XAGE5: variants seen among roughly 807,000 people sequenced by gnomAD.
XAGE5 encodes the protein G antigen, family D, 5.
Under a neutral mutation model 13.1 loss-of-function variants are expected in XAGE5, and 13 were observed. The ratio of observed to expected loss-of-function variants is 0.99; its 90% CI spans 0.64 to 1.57. The LOEUF (loss-of-function observed/expected upper bound fraction) is 1.57, where lower values mean the gene tolerates loss of function less well. XAGE5 is among the 40% of genes most tolerant of loss of function. The pLI is 0.00. For missense variants in XAGE5, 86 were observed against 77.6 expected, an observed-to-expected ratio of 1.11 and a Z score of -0.41; for synonymous variants, 17 against 25.0, an observed-to-expected ratio of 0.68 and a Z score of 0.96.
intron 3 of XAGE5, 112 bp from the exon 4 acceptor site, chrX:52,813,028 C>A: frequency 1.7e-6 from 1 of 574,957 alleles, no homozygotes; most frequent in Non-Finnish European, 3.0e-6. Context: ...TTTAAACATG[C>A]ATATGATCAG....
intron 5 of XAGE5, among the ~76,000 whole-genome samples, chrX:52,816,030 G>A (rs1602002102): frequency 9.0e-6 from 1 of 111,711 alleles, no homozygotes. Context: ...TGTGACCTCC[G>A]CCTCCCGGGT....
At chrX:52,814,471 CAAA>C (rs1926865256) in intron 4 of XAGE5, 1 of 195,661 alleles carries the variant, frequency 5.1e-6, no homozygotes, top group Admixed American at 6.2e-5. Flanking sequence ...ATAGCATTTT[CAAA>C]CTAATCAGAG....
chrX:52,813,672 G>A (rs1926847954), intron 4 of XAGE5, among the ~76,000 whole-genome samples: 1 of 111,285 alleles, frequency 9.0e-6, no homozygotes, highest in African/African-American at 3.3e-5. Context: ...CCCAAATAAA[G>A]CCCATTTGCA....
chrX:52,815,317 T>C, intron 5 of XAGE5, 100 bp downstream of exon 5: 4 of 984,269 alleles, frequency 4.1e-6, no homozygotes, highest in Non-Finnish European at 5.4e-6. Context: ...CCTTTAGAAA[T>C]AGAGTTCAAA....
In XAGE5 at chrX:52,818,231, A is replaced by G. The variant is rs1926946957; in HGVS notation, c.*18A>G. The G allele has an allele frequency of 8.3e-7, 1 of 1,209,532 alleles. No homozygotes were observed. The highest frequency in any genetic ancestry group is 1.8e-5 in the South Asian group (1 of 56,719). On this transcript the variant is annotated 3_prime_UTR_variant, in exon 6 of 6. Transcript: ENST00000375501. ...AGCTTTAAACGAAGACAACCAAAAG[A>G]ATGCAAACTGGATTTATCCGAGATA...
intron 5 of XAGE5, among the ~76,000 whole-genome samples, chrX:52,817,024 ATAGG>A (rs1434001057): frequency 1.8e-5 from 2 of 112,286 alleles, no homozygotes; most frequent in South Asian, 3.7e-4. Flanking sequence ...CTTTTGAGAA[ATAGG>A]TAGGAAGACA....
At chrX:52,817,506 T>C (rs1448032186) in intron 5 of XAGE5, among the ~76,000 whole-genome samples, 1 of 112,031 alleles carries the variant, frequency 8.9e-6, no homozygotes, top group Non-Finnish European at 1.9e-5. Flanking sequence ...GAAAAAAGTG[T>C]CATTATTCAT....
chrX:52,812,638 TGTGA>T lies in XAGE5; in HGVS notation c.72+5_72+8del, dbSNP rs1556777509. 1 of 1,208,823 alleles carries T rather than the reference TGTGA, an allele frequency of 8.3e-7. No individual in the cohort carries two copies. The highest frequency in any genetic ancestry group is 1.7e-5 in the African/African-American group (1 of 57,214). ...TTGCTCAGCTGGTTGGGCCTATGCTTGTGAGTGACTTCACATTCGATTTTTTTCT... is the reference window on the plus strand; with the variant it reads ...TTGCTCAGCTGGTTGGGCCTATGCTTGTGACTTCACATTCGATTTTTTTCT... On this transcript the variant is annotated splice_donor_variant and splice_donor_region_variant and intron_variant, in intron 3 of 5. Transcript: ENST00000375501. LOFTEE classifies it high-confidence loss of function.
chrX:52,812,691 G>C, intron 3 of XAGE5, 53 bp downstream of exon 3: 1 of 1,101,550 alleles, frequency 9.1e-7, no homozygotes, highest in South Asian at 1.9e-5. Context: ...TTTTTGTGTG[G>C]TAGTTATTGT....
Position 52,813,935 on chromosome X carries a change from G to A in XAGE5, c.178+690G>A, listed in dbSNP as rs189611321. ...GGAGAATTTCTTGAGCCCGTGCGGC[G>A]GAGGCTGCAGTGAGCCAAGATCGCG... On this transcript the variant is annotated intron_variant, in intron 4 of 5. Coordinates refer to ENST00000375501, the MANE Select transcript of XAGE5 (RefSeq NM_001386970.1). Among the ~76,000 whole-genome samples the A allele has an allele frequency of 5.0e-4, 56 of 111,267 alleles. No homozygotes were observed. In the East Asian group the frequency reaches 0.01, roughly 21 times the overall value.
In XAGE5 at chrX:52,811,541, C is replaced by T. The variant is rs1345941820; in HGVS notation, c.-180-7C>T. Among the ~76,000 whole-genome samples, 1 of 110,985 alleles carries T rather than the reference C, an allele frequency of 9.0e-6. No individual in the cohort carries two copies. Among genetic ancestry groups the T allele is most frequent in the Non-Finnish European group, 1.9e-5 (1 of 52,974 alleles). On this transcript the variant is annotated splice_polypyrimidine_tract_variant and splice_region_variant and intron_variant, in intron 1 of 5. Coordinates refer to ENST00000375501, the MANE Select transcript of XAGE5 (RefSeq NM_001386970.1). The stretch of plus-strand genomic sequence containing the variant: ...GCCCCGCAGCTATGGGCCTTCTTGT[C>T]TTGTAGGGGTCAGGACGAAGGAAGA...
chrX:52,814,980 C>A, intron 4 of XAGE5, 112 bp from the exon 5 acceptor site: 1 of 880,790 alleles, frequency 1.1e-6, no homozygotes, highest in Non-Finnish European at 1.6e-6. Context: ...ACATTTATTA[C>A]CACAGTAGCC....
chrX:52,814,783 A>G (rs1221776864), intron 4 of XAGE5: 2 of 227,165 alleles, frequency 8.8e-6, no homozygotes, highest in African/African-American at 5.8e-5. Flanking sequence ...TCACCAATAC[A>G]TTGATCTAAT....
intron 5 of XAGE5, among the ~76,000 whole-genome samples, chrX:52,817,080 C>A (rs1268767060): frequency 1.8e-5 from 2 of 111,132 alleles, no homozygotes; most frequent in African/African-American, 6.5e-5. Flanking sequence ...ATGGAAAAAG[C>A]ACAACATGGA....
chrX:52,816,381 A>G (rs1325181784), intron 5 of XAGE5, among the ~76,000 whole-genome samples: 1 of 112,316 alleles, frequency 8.9e-6, no homozygotes, highest in Non-Finnish European at 1.9e-5. Flanking sequence ...GAAGTAGGGA[A>G]CATGCATGTA....
rs1556777510 is a variant in XAGE5 at position 52,812,645 on chromosome X, G to A, written c.72+7G>A. The A allele has an allele frequency of 8.3e-7, 1 of 1,210,116 alleles. No individual in the cohort carries two copies. The highest frequency in any genetic ancestry group is 2.2e-5 in the Admixed American group (1 of 45,936). On this transcript the variant is annotated splice_region_variant and intron_variant, in intron 3 of 5. Transcript: ENST00000375501. ...GCTGGTTGGGCCTATGCTTGTGAGTGACTTCACATTCGATTTTTTTCTACT... is the reference window on the plus strand; with the variant it reads ...GCTGGTTGGGCCTATGCTTGTGAGTAACTTCACATTCGATTTTTTTCTACT...
intron 5 of XAGE5, 132 bp downstream of exon 5, chrX:52,815,349 A>G (rs1442524242): frequency 6.4e-6 from 5 of 784,939 alleles, no homozygotes; most frequent in Admixed American, 4.1e-5. Context: ...TTTGGAAGGT[A>G]ATTCAGACCC....
rs185757160 is a variant in XAGE5 at position 52,814,867 on chromosome X, G to C, written c.179-225G>C. Reference sequence around the variant, plus strand: ...CCGTCTTCAGTTTTCCTAGGTAGCTGTGTGTTTATAATACACATTAGTAAA... The same window carrying C: ...CCGTCTTCAGTTTTCCTAGGTAGCTCTGTGTTTATAATACACATTAGTAAA... On this transcript the variant is annotated intron_variant, in intron 4 of 5. Coordinates refer to ENST00000375501, the MANE Select transcript of XAGE5 (RefSeq NM_001386970.1). 1.4e-5 allele frequency: 5 copies of C among 360,134 alleles called. No individual in the cohort carries two copies. In the East Asian group the frequency reaches 1.5e-4, roughly 11 times the overall value. 29.7% of individuals were successfully genotyped at this position (360,134 alleles called of 1,213,427 possible).
chrX:52,812,483 A>T (rs1926817800), intron 2 of XAGE5, 76 bp from the exon 3 acceptor site: 1 of 967,076 alleles, frequency 1.0e-6, no homozygotes, highest in South Asian at 2.2e-5. Context: ...CATTTTGGCC[A>T]AGCTGGCCTC....
Sources: allele counts gnomAD v4.1 joint callset (sites outside exome capture counted in the v4.1 genomes callset), GRCh38; gene constraint gnomAD v4.1.1; transcripts MANE v1.5; gene names NCBI Gene and HGNC (gene_info 2026-07-23, HGNC 2026-07-21).